PCNX2: variants seen among roughly 807,000 people sequenced by gnomAD.
The protein encoded by PCNX2 is pecanex 2, also known as pecanex-like protein 2.
PCNX2 carries 168 observed loss-of-function variants against 223.8 expected under a neutral mutation model. That is an observed-to-expected ratio of 0.75 (90% CI 0.66 to 0.85). PCNX2 has a LOEUF of 0.85. Among genes scored for constraint, PCNX2 ranks in the 40% least tolerant of loss-of-function variants. The pLI is 0.00. For synonymous variants in PCNX2, 1,006 were observed against 1,052.6 expected (o/e 0.96, Z 0.86); for missense variants, 2,507 against 2,675.5 (o/e 0.94, Z 1.39).
chr1:233,227,337 G>C lies in PCNX2; in HGVS notation c.2393C>G (p.Ser798Cys), dbSNP rs772626707. Residue 798 changes from serine (S) to cysteine (C), a missense_variant, in exon 10 of 34, where the codon TCT (serine) becomes TGT (cysteine). Transcript: ENST00000258229. Reference protein sequence around the residue: ...VSQDLEASSCSSTQGKFNREQ... With the variant: ...VSQDLEASSCCSTQGKFNREQ... The stretch of plus-strand genomic sequence containing the variant: ...TCGGTTAAATTTTCCTTGTGTTGAA[G>C]AACATGACGAGGCTTCCAGATCCTG... 1.2e-6 allele frequency: 2 copies of C among 1,613,544 alleles called. No individual in the cohort carries two copies. The highest frequency in any genetic ancestry group is 1.7e-6 in the Non-Finnish European group (2 of 1,179,682).
intron 23 of PCNX2, among the ~76,000 whole-genome samples, chr1:233,059,616 T>C (rs768992921): frequency 3.9e-5 from 6 of 152,202 alleles, no homozygotes; most frequent in Non-Finnish European, 5.9e-5. Flanking sequence ...CTAAGTACCA[T>C]GAGAGTAAGT....
Position 233,153,432 on chromosome 1 carries a change from T to C in PCNX2, c.3517+6851A>G, listed in dbSNP as rs570414144. ...CATAGCTATTGGAATGGTGAGCAAA[T>C]ACAAAAACAAACATTTGAATAAGAA... On this transcript the variant is annotated intron_variant, in intron 19 of 33. Coordinates refer to ENST00000258229, the MANE Select transcript of PCNX2 (RefSeq NM_014801.4). Among the ~76,000 whole-genome samples, 16 of 152,204 alleles carry C rather than the reference T, an allele frequency of 1.1e-4. No individual in the cohort carries two copies. The South Asian group carries it at 3.1e-3, about 30-fold the overall frequency.
intron 1 of PCNX2, among the ~76,000 whole-genome samples, chr1:233,292,848 C>T (rs559211413): frequency 5.2e-4 from 79 of 152,172 alleles, no homozygotes; most frequent in African/African-American, 1.9e-3. Flanking sequence ...AGTAGCATAA[C>T]AGTAACTGTA....
intron 21 of PCNX2, among the ~76,000 whole-genome samples, chr1:233,107,647 G>A (rs1674873212): frequency 6.8e-6 from 1 of 147,126 alleles, no homozygotes; most frequent in Non-Finnish European, 1.5e-5. Context: ...TGTAAAGCAT[G>A]TTTCTTCCAC....
chr1:233,290,179 T>G, intron 1 of PCNX2, among the ~76,000 whole-genome samples: 1 of 151,698 alleles, frequency 6.6e-6, no homozygotes, highest in East Asian at 1.9e-4. Context: ...TATGAAGGAG[T>G]AGAATAATCC....
In PCNX2 at chr1:233,238,935, T is replaced by C. The variant is rs77338266; in HGVS notation, c.2223-1955A>G. On this transcript the variant is annotated intron_variant, in intron 8 of 33. Transcript: ENST00000258229. ...CTTCTTGTCTATATTAGTGGCATAA[T>C]CTCTGTCGTTAACAGAGAAAAAGAT... Among the ~76,000 whole-genome samples, 1,000 of 152,272 alleles carry C rather than the reference T, an allele frequency of 6.6e-3. 9 individuals are homozygous for C. Among genetic ancestry groups the C allele is most frequent in the African/African-American group, 0.023 (951 of 41,568 alleles).
intron 25 of PCNX2, among the ~76,000 whole-genome samples, chr1:233,046,140 G>A (rs1437241065): frequency 6.6e-6 from 1 of 152,188 alleles, no homozygotes; most frequent in Non-Finnish European, 1.5e-5. Context: ...CTCATTTTCT[G>A]AGAAAAAGTC....
At chr1:233,043,414 T>A (rs1488547990) in intron 25 of PCNX2, among the ~76,000 whole-genome samples, 1 of 152,146 alleles carries the variant, frequency 6.6e-6, no homozygotes, top group Non-Finnish European at 1.5e-5. Context: ...TTTTAAAAAA[T>A]TATTATTATA....
chr1:233,306,924 A>G, the PCNX2 span, among the ~76,000 whole-genome samples: 1 of 152,206 alleles, frequency 6.6e-6, no homozygotes, highest in East Asian at 1.9e-4. Flanking sequence ...TATATGTTTC[A>G]TGCATTTTTC....
chr1:233,002,968 C>T (rs773237045), intron 28 of PCNX2, among the ~76,000 whole-genome samples: 17 of 152,206 alleles, frequency 1.1e-4, no homozygotes, highest in Non-Finnish European at 1.9e-4. Context: ...AAAACTGAAA[C>T]TGGACCCCTT....
In PCNX2 at chr1:233,258,808, T is replaced by A. The variant is rs1372388818; in HGVS notation, c.1054A>T (p.Ser352Cys). 6.2e-7 allele frequency: 1 copy of A among 1,613,772 alleles called. No individual in the cohort carries two copies. Among genetic ancestry groups the A allele is most frequent in the African/African-American group, 1.3e-5 (1 of 74,886 alleles). Reference protein sequence around the residue: ...PLHQEVDSSDSEVAVTLIDTS... With the variant: ...PLHQEVDSSDCEVAVTLIDTS... The stretch of plus-strand genomic sequence containing the variant: ...TCGATGAGAGTAACAGCTACCTCAC[T>A]ATCTGAGGAGTCCACTTCCTGGTGC... The change falls in exon 5 of 34, where the codon AGT becomes TGT. Residue 352 changes from serine to cysteine, a missense_variant. Ser to Cys is a moderately radical substitution (Grantham distance 112). Transcript: ENST00000258229.
In PCNX2 at chr1:232,991,442, G is replaced by A. The variant is rs1034603472; in HGVS notation, c.5792-4902C>T. Among the ~76,000 whole-genome samples, 1 of 152,120 alleles carries A rather than the reference G, an allele frequency of 6.6e-6. No homozygotes were observed. Among genetic ancestry groups the A allele is most frequent in the African/African-American group, 2.4e-5 (1 of 41,410 alleles). On this transcript the variant is annotated intron_variant, in intron 32 of 33. Coordinates refer to ENST00000258229, the MANE Select transcript of PCNX2 (RefSeq NM_014801.4). This position sits in a 1 kb window ranked among gnomAD's most constrained non-coding sequence, Gnocchi z 4.3. ...AGATGGGGGCCTGCGGGGGAGGGGT[G>A]CTCATGGGATGCGCGTGGGTGTTCC...
Position 232,993,194 on chromosome 1 carries a change from G to A in PCNX2, c.5791+5057C>T, listed in dbSNP as rs191638619. Among the ~76,000 whole-genome samples the A allele has an allele frequency of 8.5e-4, 130 of 152,292 alleles. 1 individual carries two copies. Among genetic ancestry groups the A allele is most frequent in the African/African-American group, 2.6e-3 (110 of 41,546 alleles). ...GTTTGGAACTTCCTAGAGACTTGCC[G>A]AATGGTTTTGACCAAAATGCTGATA... On this transcript the variant is annotated intron_variant, in intron 32 of 33. Transcript: ENST00000258229.
In PCNX2 at chr1:233,262,113, A is replaced by T; in HGVS notation, c.412T>A (p.Ser138Thr). 1.2e-6 allele frequency: 2 copies of T among 1,613,846 alleles called. No homozygotes were observed. The highest frequency in any genetic ancestry group is 3.3e-5 in the Admixed American group (2 of 60,012). ...GAGCTGCAGCGGAGGGGAGGCGTGG[A>T]GAGGTTTCGACTGGCCTCTTCCTTT... ...GKKEEASRNL[S>T]TPPLRCSSRG... The change falls in exon 3 of 34, where the codon TCC (serine) becomes ACC (threonine). Residue 138 changes from serine (S) to threonine (T), a missense_variant. Coordinates refer to ENST00000258229, the MANE Select transcript of PCNX2 (RefSeq NM_014801.4).
At chr1:233,270,585 C>G (rs1457418489) in intron 1 of PCNX2, among the ~76,000 whole-genome samples, 5 of 152,154 alleles carry the variant, frequency 3.3e-5, no homozygotes. Flanking sequence ...AAACATTTGA[C>G]AGTTTCTCAA....
At chr1:233,318,397 C>T in the PCNX2 span, among the ~76,000 whole-genome samples, 2 of 151,996 alleles carry the variant, frequency 1.3e-5, no homozygotes, top group South Asian at 2.1e-4. Flanking sequence ...TCTTTCTATT[C>T]ATATTTCCTT....
intron 24 of PCNX2, among the ~76,000 whole-genome samples, chr1:233,055,378 A>T (rs74775583): frequency 0.079 from 11,993 of 152,136 alleles, 512 homozygotes; most frequent in African/African-American, 0.099. Context: ...AGCAAAGAAG[A>T]TGGAATGATG....
At chr1:233,246,570 T>G (rs939775954) in intron 8 of PCNX2, among the ~76,000 whole-genome samples, 2 of 152,222 alleles carry the variant, frequency 1.3e-5, no homozygotes, top group East Asian at 3.9e-4. Context: ...TTTAGCTTAG[T>G]GTGTAAGTGT....
intron 21 of PCNX2, among the ~76,000 whole-genome samples, chr1:233,101,660 G>T (rs540696590): frequency 5.2e-4 from 79 of 152,224 alleles, no homozygotes; most frequent in African/African-American, 1.9e-3. Context: ...CTCAAAAAAG[G>T]GGGCACTCCC....
Sources: gnomAD v4.1 joint callset for allele counts (sites outside exome capture counted in the v4.1 genomes callset) on GRCh38, gnomAD v4.1.1 for gene constraint, Gnocchi (gnomAD v3.1) non-coding constraint, MANE v1.5 for transcripts, NCBI Gene and HGNC (gene_info 2026-07-23, HGNC 2026-07-21) for gene names.